KIF21A: variants seen among roughly 807,000 people sequenced by gnomAD.
KIF21A encodes kinesin family member 21A.
KIF21A carries 114 observed loss-of-function variants against 202.9 expected under a neutral mutation model. That is an observed-to-expected ratio of 0.56 (90% CI 0.48 to 0.66). The LOEUF is 0.66. Among genes scored for constraint, KIF21A ranks in the 30% least tolerant of loss-of-function variants. The pLI is 0.00. For missense variants in KIF21A, 1,677 were observed against 1,994.9 expected (o/e 0.84, Z 3.04); for synonymous variants, 667 against 670.8 (o/e 0.99, Z 0.09).
chr12:39,391,785 G>C (rs1027896395), intron 1 of KIF21A, among the ~76,000 whole-genome samples: 55 of 152,024 alleles, frequency 3.6e-4, no homozygotes, highest in Admixed American at 3.3e-3. Flanking sequence ...TGTCACCCAG[G>C]CTGGAGTGCA....
intron 11 of KIF21A, among the ~76,000 whole-genome samples, chr12:39,349,535 G>C (rs994143865): frequency 5.3e-5 from 8 of 152,038 alleles, no homozygotes; most frequent in African/African-American, 1.2e-4. Flanking sequence ...CTTTAGTAAA[G>C]CTGCTATCCT....
rs779067789 is a variant in KIF21A at position 39,442,554 on chromosome 12, G to A, written c.44+373C>T. On this transcript the variant is annotated intron_variant, in intron 1 of 37. Transcript: ENST00000361418. The surrounding 1 kb of genome is among the most constrained non-coding windows in gnomAD (Gnocchi z 5.0). ...AAGAACACCACAGCCCCGCGCACAG[G>A]CAGCTCCTCCCGGACAGGCGATAGC... 6.6e-6 allele frequency among the ~76,000 whole-genome samples: 1 copy of A among 152,170 alleles called. No homozygotes were observed. The highest frequency in any genetic ancestry group is 1.5e-5 in the Non-Finnish European group (1 of 68,014).
intron 10 of KIF21A, among the ~76,000 whole-genome samples, chr12:39,355,413 T>C (rs1363585354): frequency 1.3e-5 from 2 of 151,890 alleles, no homozygotes; most frequent in African/African-American, 2.4e-5. Context: ...ATATAGGCAA[T>C]TGGCCTTAAC....
At chr12:39,343,903 A>G (rs1319839969) in intron 12 of KIF21A, among the ~76,000 whole-genome samples, 4 of 152,214 alleles carry the variant, frequency 2.6e-5, no homozygotes, top group Non-Finnish European at 5.9e-5. Context: ...CTGTTTGAAC[A>G]TGCCTATGTG....
chr12:39,303,086 T>C lies in KIF21A; in HGVS notation c.4610A>G (p.Asn1537Ser), dbSNP rs1262925987. ...GCCATCATAATGAGGGGGTTCAAAA[T>C]TGTGGGTGGGACTCACAGTCCCAAG... ...GALGTVSPTHNFEPPHYDGIE... is the reference protein window; with the variant it reads ...GALGTVSPTHSFEPPHYDGIE... The change falls in exon 36 of 38, where the codon AAT becomes AGT. Residue 1537 changes from asparagine to serine, a missense_variant. Asn to Ser is a conservative substitution (Grantham distance 46). Coordinates refer to ENST00000361418, the MANE Select transcript of KIF21A (RefSeq NM_001173464.2). 1 of 1,613,926 alleles carries C rather than the reference T, an allele frequency of 6.2e-7. No individual in the cohort carries two copies. Among genetic ancestry groups the C allele is most frequent in the African/African-American group, 1.3e-5 (1 of 74,910 alleles).
At position 39,357,271 on chromosome 12, in the gene KIF21A, G is replaced by A. The variant is rs1183320157; in HGVS notation, c.1382C>T (p.Ala461Val). Reference protein sequence around the residue: ...SRITQLVSDQANHVLARAGEG... With the variant: ...SRITQLVSDQVNHVLARAGEG... ...ACCTGCTCTGGCAAGAACATGGTTG[G>A]CCTGATCACTAACAAGCTGTGTAAT... Residue 461 changes from alanine (A) to valine (V), a missense_variant, in exon 9 of 38, where the codon GCC (alanine) becomes GTC (valine). Ala to Val is a moderately conservative substitution (Grantham distance 64). This residue lies in a region of KIF21A where 966 missense variants were observed against 1,180.9 expected (regional missense o/e 0.82). Coordinates refer to ENST00000361418, the MANE Select transcript of KIF21A (RefSeq NM_001173464.2). The A allele has an allele frequency of 6.2e-7, 1 of 1,614,056 alleles. No homozygotes were observed. The highest frequency in any genetic ancestry group is 1.1e-5 in the South Asian group (1 of 91,074).
At chr12:39,381,225 G>A (rs1950592513) in intron 1 of KIF21A, among the ~76,000 whole-genome samples, 1 of 150,638 alleles carries the variant, frequency 6.6e-6, no homozygotes. Flanking sequence ...GGAGAATGGT[G>A]TGAACCCAGG....
intron 1 of KIF21A, among the ~76,000 whole-genome samples, chr12:39,394,692 A>G (rs1951604865): frequency 6.6e-6 from 1 of 152,150 alleles, no homozygotes. Flanking sequence ...CAGATCTACC[A>G]CTTTTTGTCA....
In KIF21A at chr12:39,304,875, C is replaced by G; in HGVS notation, c.4506G>C (p.Gln1502His). Reference sequence around the variant, plus strand: ...TGATTAGATCTTGTCCACTGGAAATCTGATCCACAGTAAGGCACATAACAG... The same window carrying G: ...TGATTAGATCTTGTCCACTGGAAATGTGATCCACAGTAAGGCACATAACAG... ...LGPVMCLTVD[Q>H]ISSGQDLIIT... Residue 1502 changes from glutamine to histidine, a missense_variant, in exon 35 of 38, where the codon CAG becomes CAC. By Grantham distance (24) the Gln-to-His change is conservative. Transcript: ENST00000361418. 1.2e-6 allele frequency: 2 copies of G among 1,610,204 alleles called. No individual in the cohort carries two copies. The highest frequency in any genetic ancestry group is 1.7e-6 in the Non-Finnish European group (2 of 1,176,994).
chr12:39,397,610 C>T (rs964372610), intron 1 of KIF21A, among the ~76,000 whole-genome samples: 1 of 152,198 alleles, frequency 6.6e-6, no homozygotes, highest in African/African-American at 2.4e-5. Flanking sequence ...AGAACAGTTC[C>T]TGGTACATAC....
intron 1 of KIF21A, among the ~76,000 whole-genome samples, chr12:39,426,881 TAA>T (rs10718392): frequency 0.017 from 2,263 of 132,912 alleles, 64 homozygotes; most frequent in African/African-American, 0.055. Context: ...GAGACTCTGT[TAA>T]AAAAAAAAAA....
chr12:39,313,241 C>A (rs1209871962), intron 31 of KIF21A, among the ~76,000 whole-genome samples: 1 of 151,796 alleles, frequency 6.6e-6, no homozygotes, highest in Non-Finnish European at 1.5e-5. Context: ...ACATGTAGAC[C>A]TGATCTTCCA....
chr12:39,403,538 C>T (rs1231290379), intron 1 of KIF21A, among the ~76,000 whole-genome samples: 1 of 152,140 alleles, frequency 6.6e-6, no homozygotes, highest in African/African-American at 2.4e-5. Flanking sequence ...TCTAGTGAAT[C>T]TCAGCTGTTT....
intron 1 of KIF21A, among the ~76,000 whole-genome samples, chr12:39,380,608 C>A (rs1294561374): frequency 6.6e-6 from 1 of 152,080 alleles, no homozygotes; most frequent in Non-Finnish European, 1.5e-5. Flanking sequence ...GTAGTCCCAG[C>A]TACTCAGGAG....
intron 17 of KIF21A, 61 bp from the exon 18 acceptor site, chr12:39,333,341 C>G: frequency 8.2e-7 from 1 of 1,214,544 alleles, no homozygotes; most frequent in Admixed American, 1.7e-5. Context: ...TTTCCTATTC[C>G]TATATGAATA....
intron 1 of KIF21A, among the ~76,000 whole-genome samples, chr12:39,399,297 A>G (rs1193405867): frequency 2.0e-5 from 3 of 152,224 alleles, no homozygotes; most frequent in African/African-American, 7.2e-5. Context: ...GTGAGTATAT[A>G]TGCAAATATT....
At chr12:39,438,374 A>T (rs892673012) in intron 1 of KIF21A, among the ~76,000 whole-genome samples, 1 of 152,186 alleles carries the variant, frequency 6.6e-6, no homozygotes, top group African/African-American at 2.4e-5. Flanking sequence ...CAACAACTAA[A>T]ATCATATTTA....
At chr12:39,396,872 A>G (rs1443465454) in intron 1 of KIF21A, among the ~76,000 whole-genome samples, 1 of 152,246 alleles carries the variant, frequency 6.6e-6, no homozygotes, top group Non-Finnish European at 1.5e-5. Context: ...CTGCTCTGCA[A>G]TAAAAAGGAA....
chr12:39,358,489 T>A (rs1420348354), intron 7 of KIF21A, 116 bp from the exon 8 acceptor site: 2 of 945,086 alleles, frequency 2.1e-6, no homozygotes, highest in African/African-American at 3.3e-5. Flanking sequence ...ACCAAAATAT[T>A]GAGCAAATTT....
Sources: gnomAD v4.1 joint callset for allele counts (sites outside exome capture counted in the v4.1 genomes callset) on GRCh38, gnomAD v4.1.1 for gene constraint, gnomAD v4.1.1 regional missense constraint, Gnocchi (gnomAD v3.1) non-coding constraint, MANE v1.5 for transcripts, NCBI Gene and HGNC (gene_info 2026-07-23, HGNC 2026-07-21) for gene names.